Variants in XKR9 observed in about 807,000 individuals in gnomAD.
XKR9 encodes the protein XK-related protein 9.
A neutral mutation model predicts 32.0 loss-of-function variants in XKR9; 32 were observed. That is an observed-to-expected ratio of 1.00 (90% confidence interval 0.76 to 1.34). The LOEUF (loss-of-function observed/expected upper bound fraction) is 1.34, where lower values mean the gene tolerates loss of function less well. Among genes scored for constraint, XKR9 ranks in the 40% most tolerant of loss-of-function variants. The probability of loss-of-function intolerance (pLI) is 0.00; values close to 1 mark genes in which losing one functional copy is unlikely to be tolerated. For missense variants in XKR9, 546 were observed against 429.7 expected (o/e 1.27, Z -2.39); for synonymous variants, 168 against 143.4 (o/e 1.17, Z -1.22).
At chr8:70,690,266 C>T (rs891042843) in intron 3 of XKR9, among the ~76,000 whole-genome samples, 26 of 152,202 alleles carry the variant, frequency 1.7e-4, no homozygotes, top group African/African-American at 6.0e-4. Flanking sequence ...CCACCCTCCC[C>T]CTCAAGTAGA....
chr8:70,898,434 A>AT, the XKR9 span, among the ~76,000 whole-genome samples: 4 of 151,614 alleles, frequency 2.6e-5, no homozygotes, highest in Non-Finnish European at 4.4e-5. Flanking sequence ...TTTAGGATTG[A>AT]TTTTTTCTAT....
At chr8:70,680,239 G>T (rs781583565) in intron 2 of XKR9, among the ~76,000 whole-genome samples, 4 of 152,090 alleles carry the variant, frequency 2.6e-5, no homozygotes, top group African/African-American at 4.8e-5. Context: ...ATCCTTTAGT[G>T]TGGATGTACC....
At chr8:71,021,606 C>T in the XKR9 span, among the ~76,000 whole-genome samples, 2 of 150,396 alleles carry the variant, frequency 1.3e-5, no homozygotes. Context: ...GGGTTCACGC[C>T]ATTCTCCTGC....
At chr8:70,825,819 A>G in the XKR9 span, among the ~76,000 whole-genome samples, 4,790 of 152,166 alleles carry the variant, frequency 0.031, 310 homozygotes, top group Admixed American at 0.17. Context: ...GGATCTATGG[A>G]CACGGACTAT....
At chr8:70,797,888 T>C in the XKR9 span, among the ~76,000 whole-genome samples, 2 of 152,164 alleles carry the variant, frequency 1.3e-5, no homozygotes, top group African/African-American at 2.4e-5. Flanking sequence ...ATGATTTTGT[T>C]CTTTTTTGTG....
intron 2 of XKR9, among the ~76,000 whole-genome samples, chr8:70,765,515 C>T (rs1248423667): frequency 1.3e-5 from 2 of 152,156 alleles, no homozygotes; most frequent in Non-Finnish European, 2.9e-5. Flanking sequence ...TTCTCCCATT[C>T]TGTAGGTTGC....
At chr8:70,942,526 G>A in the XKR9 span, among the ~76,000 whole-genome samples, 1 of 152,128 alleles carries the variant, frequency 6.6e-6, no homozygotes, top group Admixed American at 6.6e-5. Flanking sequence ...GGAAGTGATA[G>A]ATTGTTGCAG....
chr8:70,874,709 C>T, the XKR9 span, among the ~76,000 whole-genome samples: 2,576 of 152,324 alleles, frequency 0.017, 38 homozygotes, highest in South Asian at 0.031. Flanking sequence ...AGGTTTCAGA[C>T]ATAGTCTGAT....
the XKR9 span, among the ~76,000 whole-genome samples, chr8:70,895,832 A>AG: frequency 3.8e-3 from 572 of 151,258 alleles, 20 homozygotes; most frequent in Admixed American, 0.036. Context: ...AAAAAAAAAA[A>AG]AAAAAAGAAA....
chr8:70,878,390 TG>T, the XKR9 span, among the ~76,000 whole-genome samples: 1 of 152,182 alleles, frequency 6.6e-6, no homozygotes, highest in African/African-American at 2.4e-5. Flanking sequence ...GCCCCATCAA[TG>T]TGCTATATTC....
chr8:70,917,144 C>A, the XKR9 span, among the ~76,000 whole-genome samples: 2 of 152,116 alleles, frequency 1.3e-5, no homozygotes, highest in African/African-American at 4.8e-5. Context: ...CCTGTTCCTG[C>A]TTCAGGGCTT....
chr8:70,753,562 C>T (rs994476726), intron 2 of XKR9, among the ~76,000 whole-genome samples: 32 of 152,160 alleles, frequency 2.1e-4, no homozygotes, highest in African/African-American at 7.5e-4. Flanking sequence ...AAAAGCTTAT[C>T]CACCATGATC....
the XKR9 span, among the ~76,000 whole-genome samples, chr8:70,886,854 T>C: frequency 6.6e-6 from 1 of 152,180 alleles, no homozygotes; most frequent in Non-Finnish European, 1.5e-5. Context: ...ACTCTGATGA[T>C]ATTTTCTTTT....
chr8:70,686,412 AATATAT>A (rs71264517), intron 3 of XKR9, among the ~76,000 whole-genome samples: 12 of 147,154 alleles, frequency 8.2e-5, no homozygotes, highest in Admixed American at 6.8e-5. Flanking sequence ...CGAGATAGCT[AATATAT>A]ATATATATAT....
At chr8:70,773,056 T>C (rs1365512403) in intron 2 of XKR9, among the ~76,000 whole-genome samples, 1 of 152,222 alleles carries the variant, frequency 6.6e-6, no homozygotes, top group African/African-American at 2.4e-5. Context: ...GTGATAAACA[T>C]ATTATATAAT....
chr8:70,958,746 G>A, the XKR9 span, among the ~76,000 whole-genome samples: 1 of 152,108 alleles, frequency 6.6e-6, no homozygotes, highest in Non-Finnish European at 1.5e-5. Context: ...TGCCTGTGGT[G>A]TCTTCATCAT....
At chr8:70,688,638 G>A (rs1014615771) in intron 3 of XKR9, among the ~76,000 whole-genome samples, 9 of 151,628 alleles carry the variant, frequency 5.9e-5, no homozygotes, top group African/African-American at 1.9e-4. Context: ...GGATGGTCTT[G>A]ATCTCCTGAC....
At chr8:70,842,192 T>C in the XKR9 span, among the ~76,000 whole-genome samples, 8 of 152,358 alleles carry the variant, frequency 5.3e-5, no homozygotes, top group South Asian at 1.7e-3. Context: ...TGATGGCTTA[T>C]AATATGTCAT....
the XKR9 span, among the ~76,000 whole-genome samples, chr8:70,882,473 G>C: frequency 6.6e-6 from 1 of 151,532 alleles, no homozygotes; most frequent in African/African-American, 2.4e-5. Context: ...ATAATGTACA[G>C]TACTGACCCT....
Sources: gnomAD v4.1 joint callset for allele counts (sites outside exome capture counted in the v4.1 genomes callset) on GRCh38, gnomAD v4.1.1 for gene constraint, MANE v1.5 for transcripts, NCBI Gene and HGNC (gene_info 2026-07-23, HGNC 2026-07-21) for gene names.